Variants in SH2D4B observed in about 807,000 individuals in gnomAD.
SH2D4B encodes SH2 domain-containing protein 4B.
In SH2D4B, 45 loss-of-function variants were observed where a neutral mutation model predicts 61.5. That is an observed-to-expected ratio of 0.73 (90% CI 0.58 to 0.94). SH2D4B has a LOEUF of 0.94. Ranked by LOEUF, SH2D4B falls within the 40% of genes least tolerant of loss-of-function variation. The pLI, the probability that SH2D4B is intolerant of heterozygous loss-of-function variation, is 0.00. For missense variants in SH2D4B, 572 were observed against 574.2 expected (o/e 1.00, Z 0.04); for synonymous variants, 224 against 220.4 (o/e 1.02, Z -0.14).
intron 6 of SH2D4B, among the ~76,000 whole-genome samples, chr10:80,628,979 G>A (rs1440849691): frequency 1.3e-5 from 2 of 149,652 alleles, no homozygotes. Flanking sequence ...GCAGTGAGCC[G>A]AGATCGTGTC....
chr10:80,538,578 A>G lies in SH2D4B; in HGVS notation c.184+63A>G. 7.8e-7 allele frequency: 1 copy of G among 1,280,162 alleles called. No homozygotes were observed. The highest frequency in any genetic ancestry group is 1.0e-6 in the Non-Finnish European group (1 of 995,674). 79.3% of individuals were successfully genotyped at this position (1,280,162 alleles called of 1,614,324 possible). On this transcript the variant is annotated intron_variant, in intron 1 of 7. Coordinates refer to ENST00000646907, the MANE Select transcript of SH2D4B (RefSeq NM_001388272.1). This position sits in a 1 kb window ranked among gnomAD's most constrained non-coding sequence, Gnocchi z 4.8. ...TCCCCCAGGAGGTAGAAAAATTAGC[A>G]GGGCCAGGCTGTGCCCTTCTTCAAG...
Position 80,644,234 on chromosome 10 carries a change from T to C in SH2D4B, c.*149T>C. On this transcript the variant is annotated 3_prime_UTR_variant, in exon 8 of 8. Transcript: ENST00000646907. The stretch of plus-strand genomic sequence containing the variant: ...AATATGCCTCAAGGGATATGACATC[T>C]ATGGCATAGGGCTACTGGTCTCATC... 1 of 638,600 alleles carries C rather than the reference T, an allele frequency of 1.6e-6. No homozygotes were observed. The highest frequency in any genetic ancestry group is 2.7e-6 in the Non-Finnish European group (1 of 366,472). The allele number at this position is 638,600 out of a possible 1,614,324, so 39.6% of individuals were successfully genotyped here. A position where few individuals can be genotyped will look rare whatever the true frequency, so the allele number is the denominator to read the frequency against.
rs561075106 is a variant in SH2D4B at position 80,612,158 on chromosome 10, A to G, written c.988+2607A>G. Among the ~76,000 whole-genome samples, 5 of 144,852 alleles carry G rather than the reference A, an allele frequency of 3.5e-5. No individual in the cohort carries two copies. In the East Asian group the frequency reaches 1.1e-3, roughly 31 times the overall value. On this transcript the variant is annotated intron_variant, in intron 6 of 7. Transcript: ENST00000646907. ...TTGCTTGAAAAAGTAAAAAGTTAGC[A>G]GCCCGGGACCTCCCCCACTCCTGCT...
At chr10:80,596,709 A>G (rs1346139457) in intron 4 of SH2D4B, among the ~76,000 whole-genome samples, 1 of 152,216 alleles carries the variant, frequency 6.6e-6, no homozygotes, top group Non-Finnish European at 1.5e-5. Context: ...CAGACATTAC[A>G]GTCTATAACA....
intron 1 of SH2D4B, among the ~76,000 whole-genome samples, chr10:80,560,404 G>A (rs1589335177): frequency 7.0e-6 from 1 of 142,068 alleles, no homozygotes; most frequent in Non-Finnish European, 1.5e-5. Context: ...GTCTTGTTTT[G>A]TCACCCAGGC....
intron 6 of SH2D4B, among the ~76,000 whole-genome samples, chr10:80,622,058 G>A (rs1038166427): frequency 2.6e-5 from 4 of 152,050 alleles, no homozygotes; most frequent in African/African-American, 9.7e-5. Flanking sequence ...TTGGGGAGCT[G>A]GACCATTTTT....
chr10:80,587,984 C>T (rs1842280141), intron 3 of SH2D4B, among the ~76,000 whole-genome samples: 1 of 152,170 alleles, frequency 6.6e-6, no homozygotes, highest in Non-Finnish European at 1.5e-5. Context: ...CCCATTTTCT[C>T]CTCACCACCA....
At chr10:80,561,770 A>G (rs942438247) in intron 1 of SH2D4B, among the ~76,000 whole-genome samples, 6 of 152,226 alleles carry the variant, frequency 3.9e-5, no homozygotes, top group Admixed American at 6.5e-5. Flanking sequence ...CATTGCAACT[A>G]ACATTTAAGA....
rs1341499892 is a variant in SH2D4B at position 80,645,455 on chromosome 10, T to C, written c.*1370T>C. Reference sequence around the variant, plus strand: ...GGCATAAGACAGAAGAGATGGGAAGTGAATGCCCGATGTGGTGAATCTGGG... The same window carrying C: ...GGCATAAGACAGAAGAGATGGGAAGCGAATGCCCGATGTGGTGAATCTGGG... On this transcript the variant is annotated 3_prime_UTR_variant, in exon 8 of 8. Coordinates refer to ENST00000646907, the MANE Select transcript of SH2D4B (RefSeq NM_001388272.1). 1 of 152,206 alleles carries C rather than the reference T, an allele frequency of 6.6e-6. No homozygotes were observed. Among genetic ancestry groups the C allele is most frequent in the African/African-American group, 2.4e-5 (1 of 41,444 alleles). The allele number at this position is 152,206 out of a possible 1,614,324, so 9.4% of individuals were successfully genotyped here. A position where few individuals can be genotyped will look rare whatever the true frequency, so the allele number is the denominator to read the frequency against.
chr10:80,540,794 G>A (rs898142237), intron 1 of SH2D4B: 54 of 1,544,500 alleles, frequency 3.5e-5, no homozygotes, highest in East Asian at 2.4e-4. Flanking sequence ...CAGCCAACTC[G>A]AGTGCCAAGG....
chr10:80,554,043 A>C (rs1490854945), intron 1 of SH2D4B, among the ~76,000 whole-genome samples: 1 of 152,268 alleles, frequency 6.6e-6, no homozygotes, highest in Non-Finnish European at 1.5e-5. Context: ...CCAGTGAAGC[A>C]AAGTATGTTG....
intron 6 of SH2D4B, among the ~76,000 whole-genome samples, chr10:80,615,937 T>C (rs886533490): frequency 3.3e-5 from 5 of 152,200 alleles, no homozygotes; most frequent in African/African-American, 1.2e-4. Context: ...ATGCAATAAA[T>C]GCTTTGGTTT....
At chr10:80,591,111 G>A (rs1028848898) in intron 4 of SH2D4B, among the ~76,000 whole-genome samples, 8 of 151,680 alleles carry the variant, frequency 5.3e-5, no homozygotes, top group African/African-American at 1.7e-4. Flanking sequence ...TCTAATGTAC[G>A]CATATACCAC....
chr10:80,579,879 C>T (rs921102566), intron 3 of SH2D4B, among the ~76,000 whole-genome samples: 1 of 152,132 alleles, frequency 6.6e-6, no homozygotes, highest in African/African-American at 2.4e-5. Flanking sequence ...AGGCTGACGC[C>T]GACAAAACAA....
intron 1 of SH2D4B, among the ~76,000 whole-genome samples, chr10:80,555,541 T>G (rs1841822729): frequency 6.6e-6 from 1 of 152,190 alleles, no homozygotes. Context: ...CAGTTTGAAT[T>G]CCATTCAGTG....
chr10:80,634,384 C>T lies in SH2D4B; in HGVS notation c.1088C>T (p.Ser363Phe). Residue 363 changes from serine to phenylalanine, a missense_variant, in exon 7 of 8, where the codon TCC (serine) becomes TTC (phenylalanine). Transcript: ENST00000646907. ...VSEKIWGYTL[S>F]YRLQKGFKHF... is the part of the protein sequence containing the mutation. ...GAGAAAATCTGGGGTTACACCCTCT[C>T]CTACCGCCTGCAGAAAGGGTTCAAA... 1 of 1,550,612 alleles carries T rather than the reference C, an allele frequency of 6.4e-7. No homozygotes were observed. The highest frequency in any genetic ancestry group is 8.7e-7 in the Non-Finnish European group (1 of 1,146,998).
At chr10:80,565,434 C>G (rs972692405) in intron 1 of SH2D4B, among the ~76,000 whole-genome samples, 2 of 151,628 alleles carry the variant, frequency 1.3e-5, no homozygotes, top group Non-Finnish European at 2.9e-5. Flanking sequence ...CCCTCTTACC[C>G]AGGCTGGAGT....
chr10:80,557,556 G>A (rs1408182150), intron 1 of SH2D4B, among the ~76,000 whole-genome samples: 1 of 152,060 alleles, frequency 6.6e-6, no homozygotes, highest in Non-Finnish European at 1.5e-5. Context: ...AGCTATTCAA[G>A]GTGTATGTTT....
At chr10:80,587,154 T>A (rs1456816745) in intron 3 of SH2D4B, among the ~76,000 whole-genome samples, 4 of 99,440 alleles carry the variant, frequency 4.0e-5, no homozygotes, top group African/African-American at 2.3e-4. Flanking sequence ...TTGTTTTGTT[T>A]TTTTTTTTTT....
Sources: allele counts gnomAD v4.1 joint callset (sites outside exome capture counted in the v4.1 genomes callset), GRCh38; gene constraint gnomAD v4.1.1; non-coding constraint Gnocchi (gnomAD v3.1); transcripts MANE v1.5; gene names NCBI Gene and HGNC (gene_info 2026-07-23, HGNC 2026-07-21).